Variants in KDM1B observed in about 807,000 individuals in gnomAD.
The protein encoded by KDM1B is lysine demethylase 1B.
In KDM1B, 63 loss-of-function variants were observed where a neutral mutation model predicts 107.4. The observed-to-expected ratio is 0.59, with a 90% CI of 0.48 to 0.72. The LOEUF (loss-of-function observed/expected upper bound fraction) is 0.72, where lower values mean the gene tolerates loss of function less well. KDM1B is among the 30% of genes least tolerant of loss of function. The pLI, the probability that KDM1B is intolerant of heterozygous loss-of-function variation, is 0.00. For missense variants in KDM1B, 749 were observed against 1,020.8 expected (o/e 0.73, Z 3.63); for synonymous variants, 363 against 363.9 (o/e 1.00, Z 0.03).
At chr6:18,157,917 A>G (rs769063714) in intron 2 of KDM1B, among the ~76,000 whole-genome samples, 17 of 145,270 alleles carry the variant, frequency 1.2e-4, no homozygotes, top group African/African-American at 1.8e-4. Flanking sequence ...GGTTCATGCC[A>G]TTCTCCTGCC....
intron 10 of KDM1B, among the ~76,000 whole-genome samples, chr6:18,194,226 G>A (rs185236320): frequency 6.6e-6 from 1 of 152,128 alleles, no homozygotes; most frequent in Non-Finnish European, 1.5e-5. Flanking sequence ...TGTTGGCCAG[G>A]CTGGTCTCGA....
rs1789103080 is a variant in KDM1B, at chr6:18,214,920, A to G, written c.2110-87A>G. ...GCAAAACTCTGTCTCATTTAAAACA[A>G]AACAAAACAAAAAACAAAAAAAAGA... On this transcript the variant is annotated intron_variant, in intron 19 of 21. Coordinates refer to ENST00000650836, the MANE Select transcript of KDM1B (RefSeq NM_001364614.2). The surrounding 1 kb of genome is among the most constrained non-coding windows in gnomAD (Gnocchi z 4.4). 7.1e-7 allele frequency: 1 copy of G among 1,399,480 alleles called. No homozygotes were observed. The highest frequency in any genetic ancestry group is 9.6e-7 in the Non-Finnish European group (1 of 1,042,094). The allele number at this position is 1,399,480 out of a possible 1,614,324, so 86.7% of individuals were successfully genotyped here.
At position 18,201,252 on chromosome 6, in the gene KDM1B, T is replaced by C. The variant is rs547563310; in HGVS notation, c.1360-234T>C. 6.6e-6 allele frequency among the ~76,000 whole-genome samples: 1 copy of C among 152,332 alleles called. No homozygotes were observed. The highest frequency in any genetic ancestry group is 2.1e-4 in the South Asian group (1 of 4,832). ...CCAAAAAGTTACAATGGGCATGGCGTAGGAGCTGTTGCTGCCCCTCTCACA... is the reference window on the plus strand; with the variant it reads ...CCAAAAAGTTACAATGGGCATGGCGCAGGAGCTGTTGCTGCCCCTCTCACA... On this transcript the variant is annotated intron_variant, in intron 13 of 21. Transcript: ENST00000650836. The surrounding 1 kb of genome is among the most constrained non-coding windows in gnomAD (Gnocchi z 4.3).
chr6:18,165,615 G>T (rs1029246515), intron 5 of KDM1B, among the ~76,000 whole-genome samples: 1 of 152,080 alleles, frequency 6.6e-6, no homozygotes, highest in Non-Finnish European at 1.5e-5. Context: ...TTGAGGTTAG[G>T]AGTTCGGGAC....
At chr6:18,165,103 T>C (rs1446662049) in intron 5 of KDM1B, among the ~76,000 whole-genome samples, 1 of 151,640 alleles carries the variant, frequency 6.6e-6, no homozygotes, top group African/African-American at 2.4e-5. Flanking sequence ...ATTTTATTCT[T>C]TTTCCCCTTC....
At position 18,207,597 on chromosome 6, in the gene KDM1B, G is replaced by T. The variant is rs75345052; in HGVS notation, c.1791+68G>T. On this transcript the variant is annotated intron_variant, in intron 16 of 21. Transcript: ENST00000650836. ...GGAGGATGTGAAGTTCTGGGCATGCGGCTCACGCAGGAGAATGGGGCTGGC... is the reference window on the plus strand; with the variant it reads ...GGAGGATGTGAAGTTCTGGGCATGCTGCTCACGCAGGAGAATGGGGCTGGC... 50 of 1,587,946 alleles carry T rather than the reference G, an allele frequency of 3.1e-5. No homozygotes were observed. The East Asian group carries it at 5.6e-4, about 18-fold the overall frequency.
At chr6:18,217,983 T>C in intron 21 of KDM1B, 98 bp downstream of exon 21, 3 of 1,313,294 alleles carry the variant, frequency 2.3e-6, no homozygotes, top group Non-Finnish European at 3.2e-6. Flanking sequence ...ATTCAAATAC[T>C]GTCAAAAGTC....
chr6:18,189,827 A>C (rs911277721), intron 9 of KDM1B, among the ~76,000 whole-genome samples: 4 of 152,148 alleles, frequency 2.6e-5, no homozygotes, highest in Non-Finnish European at 4.4e-5. Context: ...GAACCTATTC[A>C]TTTTATAGTC....
rs150548329 is a variant in KDM1B, at chr6:18,167,228, G to A, written c.417+850G>A. On this transcript the variant is annotated intron_variant, in intron 6 of 21. Transcript: ENST00000650836. Reference sequence around the variant, plus strand: ...AAAAATTAGCCGGGCGTGGTGGCGCGCGCCTGTTGTCCCAGCTACTTGGGA... The same window carrying A: ...AAAAATTAGCCGGGCGTGGTGGCGCACGCCTGTTGTCCCAGCTACTTGGGA... Among the ~76,000 whole-genome samples the A allele has an allele frequency of 8.4e-3, 1,270 of 151,498 alleles. 21 individuals are homozygous for A. The highest frequency in any genetic ancestry group is 0.029 in the African/African-American group (1,195 of 41,346).
At chr6:18,195,036 A>T (rs543319117) in intron 10 of KDM1B, among the ~76,000 whole-genome samples, 3 of 152,350 alleles carry the variant, frequency 2.0e-5, no homozygotes, top group Admixed American at 2.0e-4. Flanking sequence ...AAATGGAAGC[A>T]TATAATATGT....
chr6:18,213,880 C>A lies in KDM1B; in HGVS notation c.2109+99C>A. The A allele has an allele frequency of 7.7e-7, 1 of 1,299,584 alleles. No homozygotes were observed. The highest frequency in any genetic ancestry group is 1.1e-6 in the Non-Finnish European group (1 of 908,892). The allele number at this position is 1,299,584 out of a possible 1,614,324, so 80.5% of individuals were successfully genotyped here. On this transcript the variant is annotated intron_variant, in intron 19 of 21. Coordinates refer to ENST00000650836, the MANE Select transcript of KDM1B (RefSeq NM_001364614.2). This position sits in a 1 kb window ranked among gnomAD's most constrained non-coding sequence, Gnocchi z 5.9. ...ATCAAGCTCAGGAACTAACGAACAT[C>A]ATGGAGACCCTGGGTCTATGTTTAT...
chr6:18,205,760 G>A lies in KDM1B; in HGVS notation c.1659+96G>A, dbSNP rs566320184. On this transcript the variant is annotated intron_variant, in intron 15 of 21. Transcript: ENST00000650836. This position sits in a 1 kb window ranked among gnomAD's most constrained non-coding sequence, Gnocchi z 5.7. ...TGTAATCCCAGCACTTTGGGAGGCC[G>A]AGGTGGGCAGATCATGAGGTCAGGA... 568 of 1,172,144 alleles carry A rather than the reference G, an allele frequency of 4.8e-4. 3 individuals carry two copies. The highest frequency in any genetic ancestry group is 2.9e-3 in the South Asian group (161 of 55,440). 72.6% of individuals were successfully genotyped at this position (1,172,144 alleles called of 1,614,324 possible).
At chr6:18,166,211 G>T in intron 5 of KDM1B, 56 bp from the exon 6 acceptor site, 1 of 805,822 alleles carries the variant, frequency 1.2e-6, no homozygotes, top group Non-Finnish European at 2.1e-6. Flanking sequence ...TGAAAAACCT[G>T]ATTGCTTATA....
intron 7 of KDM1B, among the ~76,000 whole-genome samples, chr6:18,173,020 G>A (rs962098237): frequency 6.6e-6 from 1 of 151,560 alleles, no homozygotes; most frequent in African/African-American, 2.4e-5. Context: ...AACCCGGGAG[G>A]TGGAGGTTGC....
At chr6:18,187,654 A>ACGT in intron 8 of KDM1B, 138 bp from the exon 9 acceptor site, 1 of 569,468 alleles carries the variant, frequency 1.8e-6, no homozygotes, top group Non-Finnish European at 3.1e-6. Flanking sequence ...TCTGGAATAG[A>ACGT]ATTGTTAAGT....
intron 7 of KDM1B, among the ~76,000 whole-genome samples, chr6:18,173,286 A>G (rs1412342839): frequency 1.3e-5 from 2 of 152,168 alleles, no homozygotes; most frequent in Non-Finnish European, 1.5e-5. Context: ...GCATTTCCCT[A>G]CTAACTGGTG....
rs188964109 is a variant in KDM1B, at chr6:18,161,033, G to A, written c.88-294G>A. On this transcript the variant is annotated intron_variant, in intron 3 of 21. Transcript: ENST00000650836. ...CCACCCAAAGTGCTGGGGATTACAG[G>A]CATGAGCCACCACACCCAGCTGATG... Among the ~76,000 whole-genome samples, 168 of 151,944 alleles carry A rather than the reference G, an allele frequency of 1.1e-3. 1 individual carries two copies. The highest frequency in any genetic ancestry group is 3.8e-3 in the African/African-American group (156 of 41,448).
chr6:18,160,493 C>T (rs1456396062), intron 3 of KDM1B, among the ~76,000 whole-genome samples: 2 of 152,192 alleles, frequency 1.3e-5, no homozygotes, highest in African/African-American at 4.8e-5. Context: ...AATCCCAGCA[C>T]TTTGGGAGTC....
Position 18,215,042 on chromosome 6 carries a change from G to A in KDM1B, c.2145G>A (p.Gly715=), listed in dbSNP as rs1450135661. The A allele has an allele frequency of 1.2e-6, 2 of 1,613,948 alleles. No individual in the cohort carries two copies. Among genetic ancestry groups the A allele is most frequent in the African/African-American group, 2.7e-5 (2 of 74,930 alleles). Residue 715 remains glycine (G), a synonymous_variant, in exon 20 of 22, where the codon GGG becomes GGA. Transcript: ENST00000650836. ...KHSVLMSVIA[G]EAVASVRTLD... is the part of the protein sequence containing the mutation. Reference sequence around the variant, plus strand: ...GCGTGCTGATGTCTGTGATTGCCGGGGAGGCTGTCGCATCCGTGAGGACCC... The same window carrying A: ...GCGTGCTGATGTCTGTGATTGCCGGAGAGGCTGTCGCATCCGTGAGGACCC...
Sources: allele counts gnomAD v4.1 joint callset (sites outside exome capture counted in the v4.1 genomes callset), GRCh38; gene constraint gnomAD v4.1.1; non-coding constraint Gnocchi (gnomAD v3.1); transcripts MANE v1.5; gene names NCBI Gene and HGNC (gene_info 2026-07-23, HGNC 2026-07-21).